Variants in ANO5 observed in about 807,000 individuals in gnomAD.
The protein encoded by ANO5 is anoctamin 5, also known as anoctamin-5.
A neutral mutation model predicts 121.0 loss-of-function variants in ANO5; 109 were observed. That is an observed-to-expected ratio of 0.90 (90% CI 0.77 to 1.06). The LOEUF (loss-of-function observed/expected upper bound fraction) is 1.06, where lower values mean the gene tolerates loss of function less well. ANO5 is among the 50% of genes least tolerant of loss of function. The pLI is 0.00. For missense variants in ANO5, 1,064 were observed against 1,078.5 expected, an observed-to-expected ratio of 0.99 and a Z score of 0.19; for synonymous variants, 406 against 359.9, an observed-to-expected ratio of 1.13 and a Z score of -1.45.
At chr11:22,198,449 A>C (rs1216645849) in intron 1 of ANO5, among the ~76,000 whole-genome samples, 3 of 152,246 alleles carry the variant, frequency 2.0e-5, no homozygotes, top group South Asian at 4.1e-4. Context: ...AGAGCTAGTA[A>C]TAATAGGAGG....
Position 22,197,096 on chromosome 11 carries a change from G to A in ANO5, c.40+3564G>A, listed in dbSNP as rs150117419. The stretch of plus-strand genomic sequence containing the variant: ...AATCACCTTTAAATACTGAATATGA[G>A]AGTTAATTTATAAAATTGATTGTAA... On this transcript the variant is annotated intron_variant, in intron 1 of 21. Transcript: ENST00000324559. 2.3e-4 allele frequency among the ~76,000 whole-genome samples: 35 copies of A among 152,210 alleles called. No individual in the cohort carries two copies. In the East Asian group the frequency reaches 6.0e-3, roughly 26 times the overall value.
chr11:22,270,317 C>A lies in ANO5; in HGVS notation c.1904C>A (p.Ala635Asp). 6.2e-7 allele frequency: 1 copy of A among 1,614,068 alleles called. No individual in the cohort carries two copies. Among genetic ancestry groups the A allele is most frequent in the South Asian group, 1.1e-5 (1 of 91,082 alleles). Residue 635 changes from alanine (A) to aspartate (D), a missense_variant, in exon 18 of 22, where the codon GCT becomes GAT. Ala to Asp is a moderately radical substitution (Grantham distance 126). Transcript: ENST00000324559. Reference sequence around the variant, plus strand: ...ACTTTTATCACTTCCAACAGCTTGGCTTTGAATTGGTGGAGACGCCGAAAA... The same window carrying A: ...ACTTTTATCACTTCCAACAGCTTGGATTTGAATTGGTGGAGACGCCGAAAA... ...GNIKEAIYPLALNWWRRRKAR... is the reference protein window; with the variant it reads ...GNIKEAIYPLDLNWWRRRKAR...
intron 18 of ANO5, 23 bp from the exon 19 acceptor site, chr11:22,272,761 A>T: frequency 6.2e-7 from 1 of 1,602,214 alleles, no homozygotes; most frequent in East Asian, 2.2e-5. Context: ...TAATGAGTTC[A>T]TGCCTTTTTC....
At chr11:22,241,708 A>G (rs984177976) in intron 9 of ANO5, among the ~76,000 whole-genome samples, 10 of 151,990 alleles carry the variant, frequency 6.6e-5, no homozygotes, top group African/African-American at 2.4e-4. Flanking sequence ...GTGTCTCTTC[A>G]TGTCCTTTGC....
At chr11:22,195,767 T>G (rs1348329182) in intron 1 of ANO5, among the ~76,000 whole-genome samples, 2 of 152,134 alleles carry the variant, frequency 1.3e-5, no homozygotes, top group Non-Finnish European at 2.9e-5. Context: ...CTTTGTAATC[T>G]ATTTATGCTT....
rs1383346134 is a variant in ANO5, at chr11:22,250,250, G to GA, written c.898dup (p.Ile300AsnfsTer36). ...TCTTTTTCACAGGAATTATTATGGA[G>GA]AAAAAATTGGTATCTATTTTGTCTT... On this transcript the variant is annotated frameshift_variant, in exon 10 of 22. Transcript: ENST00000324559. LOFTEE classifies it high-confidence loss of function. The GA allele has an allele frequency of 4.4e-6, 7 of 1,588,300 alleles. No homozygotes were observed. In the Admixed American group the frequency reaches 6.7e-5, roughly 15 times the overall value.
chr11:22,274,366 A>G (rs926484403), intron 19 of ANO5, among the ~76,000 whole-genome samples: 1 of 152,122 alleles, frequency 6.6e-6, no homozygotes, highest in East Asian at 1.9e-4. Flanking sequence ...CTTTGTAGCT[A>G]TGAAATCTTG....
In ANO5 at chr11:22,193,233, A is replaced by G. The variant is rs1851702065; in HGVS notation, c.-260A>G. On this transcript the variant is annotated 5_prime_UTR_variant, in exon 1 of 22. Transcript: ENST00000324559. Reference sequence around the variant, plus strand: ...GGGAAGCGCAGGGCCAAGCGCGCGAAGCAGGTTGTGGGGGACCGGGTCGAG... The same window carrying G: ...GGGAAGCGCAGGGCCAAGCGCGCGAGGCAGGTTGTGGGGGACCGGGTCGAG... 53 of 1,353,106 alleles carry G rather than the reference A, an allele frequency of 3.9e-5. No individual in the cohort carries two copies. Among genetic ancestry groups the G allele is most frequent in the Non-Finnish European group, 5.0e-5 (52 of 1,046,788 alleles). The allele number at this position is 1,353,106 out of a possible 1,614,324, so 83.8% of individuals were successfully genotyped here. A position where few individuals can be genotyped will look rare whatever the true frequency, so the allele number is the denominator to read the frequency against.
intron 7 of ANO5, among the ~76,000 whole-genome samples, chr11:22,228,907 T>A (rs1358328150): frequency 1.3e-5 from 2 of 152,002 alleles, no homozygotes; most frequent in African/African-American, 4.8e-5. Context: ...TGATTCCACA[T>A]CTTGGGTATC....
At chr11:22,237,977 A>G (rs754718582) in intron 8 of ANO5, among the ~76,000 whole-genome samples, 3 of 152,178 alleles carry the variant, frequency 2.0e-5, no homozygotes, top group Non-Finnish European at 4.4e-5. Flanking sequence ...TATTTATAAT[A>G]CCCAATACAA....
rs187368974 is a variant in ANO5, at chr11:22,259,065, G to A, written c.1408-454G>A. 9.3e-3 allele frequency among the ~76,000 whole-genome samples: 1,408 copies of A among 151,340 alleles called. 19 individuals are homozygous for A. Among genetic ancestry groups the A allele is most frequent in the African/African-American group, 0.031 (1,276 of 41,194 alleles). On this transcript the variant is annotated intron_variant, in intron 14 of 21. Transcript: ENST00000324559. ...GGAGAATCCCTTGAACCTGGAAGGC[G>A]GAGCTTGCAGTGAGCCAAGATCACG...
chr11:22,269,562 AAAAGG>A (rs1373968670), intron 17 of ANO5, among the ~76,000 whole-genome samples: 28 of 144,278 alleles, frequency 1.9e-4, no homozygotes, highest in Non-Finnish European at 2.7e-4. Flanking sequence ...AGAAAAAAAG[AAAAGG>A]AAAGAAAAAA....
chr11:22,199,529 C>T (rs1172281040), intron 1 of ANO5, among the ~76,000 whole-genome samples: 1 of 152,110 alleles, frequency 6.6e-6, no homozygotes, highest in Non-Finnish European at 1.5e-5. Context: ...ACCATTAAGT[C>T]TTTCCTATTT....
chr11:22,250,927 A>G (rs11026476), intron 11 of ANO5, 24 bp from the exon 12 acceptor site: 4 of 1,609,656 alleles, frequency 2.5e-6, no homozygotes, highest in Non-Finnish European at 3.4e-6. Context: ...TATCTTTGTG[A>G]TATTGTTATT....
intron 1 of ANO5, among the ~76,000 whole-genome samples, chr11:22,200,959 G>A (rs1851947618): frequency 6.6e-6 from 1 of 151,974 alleles, no homozygotes; most frequent in African/African-American, 2.4e-5. Context: ...TTGGTTTCAG[G>A]ATACCCCACT....
chr11:22,236,211 A>G lies in ANO5; in HGVS notation c.697A>G (p.Lys233Glu). ...RCPFGIEDGKKRFGIERLLNS... is the reference protein window; with the variant it reads ...RCPFGIEDGKERFGIERLLNS... ...TCCTTTTGGCATAGAAGATGGGAAG[A>G]AAAGGTTTGGGATTGAAAGACTGCT... Residue 233 changes from lysine to glutamate, a missense_variant, in exon 8 of 22, where the codon AAA becomes GAA. Physicochemically the swap from Lys to Glu is moderately conservative, Grantham distance 56 (BLOSUM62 1). Transcript: ENST00000324559. 1 of 1,613,410 alleles carries G rather than the reference A, an allele frequency of 6.2e-7. No homozygotes were observed. Among genetic ancestry groups the G allele is most frequent in the Non-Finnish European group, 8.5e-7 (1 of 1,179,572 alleles).
At chr11:22,276,528 C>T (rs1010507307) in intron 21 of ANO5, among the ~76,000 whole-genome samples, 5 of 151,740 alleles carry the variant, frequency 3.3e-5, no homozygotes, top group Non-Finnish European at 7.4e-5. Flanking sequence ...TGTATTAAAT[C>T]ATAACAACAT....
At position 22,255,459 on chromosome 11, in the gene ANO5, G is replaced by A. The variant is rs1239983708; in HGVS notation, c.1269G>A (p.Gln423=). The change falls in exon 13 of 22, where the codon CAG becomes CAA. Residue 423 remains glutamine (Q), a synonymous_variant. Transcript: ENST00000324559. ...TGGACTTTGAAGAGGAACAGCAGCA[G>A]CTTCAGCTGAGACCAGAATTTGAAG... ...DLVDFEEEQQ[Q]LQLRPEFEAM... 1 of 1,613,532 alleles carries A rather than the reference G, an allele frequency of 6.2e-7. No individual in the cohort carries two copies. The highest frequency in any genetic ancestry group is 8.5e-7 in the Non-Finnish European group (1 of 1,179,584).
At chr11:22,209,541 A>G (rs1852216388) in intron 2 of ANO5, among the ~76,000 whole-genome samples, 1 of 151,850 alleles carries the variant, frequency 6.6e-6, no homozygotes. Context: ...TATGTTTTGG[A>G]GCTGGGATTC....
Sources: gnomAD v4.1 joint callset for allele counts (sites outside exome capture counted in the v4.1 genomes callset) on GRCh38, gnomAD v4.1.1 for gene constraint, MANE v1.5 for transcripts, NCBI Gene and HGNC (gene_info 2026-07-23, HGNC 2026-07-21) for gene names.